The following TBX5 variants were observed in gnomAD, a reference collection of about 807,000 sequenced individuals.
The protein encoded by TBX5 is T-box transcription factor TBX5.
In TBX5, 8 loss-of-function variants were observed where a neutral mutation model predicts 51.1. The observed-to-expected ratio is 0.16, with a 90% CI of 0.09 to 0.28. The LOEUF is 0.28. TBX5 is among the 10% of genes least tolerant of loss of function. The pLI is 1.00. For synonymous variants in TBX5, 302 were observed against 266.4 expected (o/e 1.13, Z -1.30); for missense variants, 589 against 671.7 (o/e 0.88, Z 1.36).
At chr12:114,400,364 G>T (rs1871731373) in intron 3 of TBX5, among the ~76,000 whole-genome samples, 1 of 152,236 alleles carries the variant, frequency 6.6e-6, no homozygotes, top group Non-Finnish European at 1.5e-5. Flanking sequence ...AAAAGCTGAG[G>T]CCTGAACTAA....
At chr12:114,365,698 C>T (rs1393013341) in intron 8 of TBX5, among the ~76,000 whole-genome samples, 2 of 151,704 alleles carry the variant, frequency 1.3e-5, no homozygotes, top group African/African-American at 2.4e-5. Context: ...AGTGTGTGAA[C>T]GCATGCCTAT....
In TBX5 at chr12:114,401,547, C is replaced by T. The variant is rs796124482; in HGVS notation, c.242+279G>A. 8.5e-5 allele frequency among the ~76,000 whole-genome samples: 13 copies of T among 152,252 alleles called. 1 individual carries two copies. The highest frequency in any genetic ancestry group is 3.1e-4 in the African/African-American group (13 of 41,548). ...AGCACGGCCTCCCAAGCTCTTTATTCTTTCTATATGTGAGGTGGGAGAAAT... is the reference window on the plus strand; with the variant it reads ...AGCACGGCCTCCCAAGCTCTTTATTTTTTCTATATGTGAGGTGGGAGAAAT... On this transcript the variant is annotated intron_variant, in intron 3 of 8. Coordinates refer to ENST00000405440, the MANE Select transcript of TBX5 (RefSeq NM_181486.4).
intron 6 of TBX5, 37 bp from the exon 7 acceptor site, chr12:114,385,604 A>T (rs769154162): frequency 1.3e-6 from 2 of 1,554,544 alleles, no homozygotes; most frequent in Non-Finnish European, 1.8e-6. Flanking sequence ...GCTGGTTTTC[A>T]CTTGATTGCT....
rs1321767848 is a variant in TBX5, at chr12:114,405,740, T to C, written c.-151A>G. ...GCTCCGGGGTTTATGCGGGGTTTAC[T>C]GCTTACCCAGAATAGCGGCTACTGC... On this transcript the variant is annotated 5_prime_UTR_variant, in exon 1 of 9. Coordinates refer to ENST00000405440, the MANE Select transcript of TBX5 (RefSeq NM_181486.4). 3.0e-6 allele frequency: 3 copies of C among 985,426 alleles called. No individual in the cohort carries two copies. Among genetic ancestry groups the C allele is most frequent in the Non-Finnish European group, 3.6e-6 (3 of 830,042 alleles). 61.0% of individuals were successfully genotyped at this position (985,426 alleles called of 1,614,324 possible).
intron 5 of TBX5, 84 bp from the exon 6 acceptor site, chr12:114,394,977 A>T: frequency 7.0e-7 from 1 of 1,423,184 alleles, no homozygotes; most frequent in Non-Finnish European, 9.8e-7. Context: ...CGCCCTCTAA[A>T]TTCGCCTTGT....
chr12:114,376,272 T>TACACAC (rs200216641), intron 7 of TBX5, among the ~76,000 whole-genome samples: 27 of 148,602 alleles, frequency 1.8e-4, no homozygotes, highest in African/African-American at 5.9e-4. Context: ...TGTGTATATA[T>TACACAC]ATACACACAC....
intron 7 of TBX5, among the ~76,000 whole-genome samples, chr12:114,382,524 C>T (rs921920972): frequency 5.3e-5 from 8 of 151,610 alleles, no homozygotes; most frequent in East Asian, 1.9e-4. Flanking sequence ...TTAGGCTAGG[C>T]GTGGTGGCTC....
At chr12:114,393,049 A>G (rs903810255) in intron 6 of TBX5, among the ~76,000 whole-genome samples, 1 of 152,190 alleles carries the variant, frequency 6.6e-6, no homozygotes, top group African/African-American at 2.4e-5. Flanking sequence ...TTCACAGACA[A>G]TCTGGATTTG....
intron 7 of TBX5, among the ~76,000 whole-genome samples, chr12:114,370,288 G>GAAAAGAAAAGAAAAGAAAAGAAAGA (rs56105735): frequency 2.0e-3 from 112 of 56,650 alleles, no homozygotes; most frequent in Middle Eastern, 7.2e-3. Flanking sequence ...GAAAAGAAAA[G>GAAAAGAAAAGAAAAGAAAAGAAAGA]AAAGAAAAGA....
Position 114,370,118 on chromosome 12 carries a change from G to A in TBX5, c.756-3727C>T, listed in dbSNP as rs145177977. Reference sequence around the variant, plus strand: ...AAAAATACAAAAATTAGCTGGGCATGTACTTGGGAGGCTGAGGTAGGACAA... The same window carrying A: ...AAAAATACAAAAATTAGCTGGGCATATACTTGGGAGGCTGAGGTAGGACAA... On this transcript the variant is annotated intron_variant, in intron 7 of 8. Transcript: ENST00000405440. Among the ~76,000 whole-genome samples, 3 of 151,856 alleles carry A rather than the reference G, an allele frequency of 2.0e-5. No individual in the cohort carries two copies. In the East Asian group the frequency reaches 5.8e-4, roughly 30 times the overall value.
Position 114,399,414 on chromosome 12 carries a change from T to TAAA in TBX5, c.362+96_362+98dup, listed in dbSNP as rs55980450. ...GACGCCTTTAGCACACAGTAGGAAC[T>TAAA]AAAAAAAAAAAAAAAGTTCACTGAT... On this transcript the variant is annotated intron_variant, in intron 4 of 8. Transcript: ENST00000405440. The TAAA allele has an allele frequency of 8.0e-4, 1,119 of 1,404,300 alleles. 7 individuals carry two copies. In the African/African-American group the frequency reaches 0.013, roughly 17 times the overall value. The allele number at this position is 1,404,300 out of a possible 1,614,324, so 87.0% of individuals were successfully genotyped here. A position where few individuals can be genotyped will look rare whatever the true frequency, so the allele number is the denominator to read the frequency against.
chr12:114,367,511 A>C (rs1869613045), intron 7 of TBX5, among the ~76,000 whole-genome samples: 2 of 152,158 alleles, frequency 1.3e-5, no homozygotes, highest in African/African-American at 4.8e-5. Flanking sequence ...TTCAGATTTC[A>C]TACCAGGTGT....
chr12:114,384,714 A>AACACACACACAC (rs1555225276), intron 7 of TBX5, among the ~76,000 whole-genome samples: 4,361 of 143,852 alleles, frequency 0.03, 82 homozygotes, highest in Middle Eastern at 0.043. Context: ...AAAAAAAGAA[A>AACACACACACAC]ACACACACAC....
chr12:114,370,685 T>A (rs1408952694), intron 7 of TBX5, among the ~76,000 whole-genome samples: 1 of 152,062 alleles, frequency 6.6e-6, no homozygotes, highest in Admixed American at 6.6e-5. Flanking sequence ...CTTCCTCTTT[T>A]TTATATGGCC....
chr12:114,357,860 A>T (rs1194407181), intron 8 of TBX5, among the ~76,000 whole-genome samples: 1 of 152,252 alleles, frequency 6.6e-6, no homozygotes, highest in African/African-American at 2.4e-5. Context: ...AAGAAAAATG[A>T]AACACTGGGG....
chr12:114,395,179 C>T (rs551531859), intron 5 of TBX5, among the ~76,000 whole-genome samples: 3 of 152,276 alleles, frequency 2.0e-5, no homozygotes, highest in African/African-American at 7.2e-5. Flanking sequence ...AATTAACTCC[C>T]TGCATAGGGC....
upstream of TBX5, chr12:114,408,198 G>T: frequency 1.0e-6 from 1 of 985,370 alleles, no homozygotes; most frequent in East Asian, 1.1e-4. Flanking sequence ...TATCAGTGCC[G>T]GGTCTGCGCA....
Position 114,355,733 on chromosome 12 carries a change from C to T in TBX5, c.1356G>A (p.Glu452=). The change falls in exon 9 of 9, where the codon GAG becomes GAA. Residue 452 remains glutamate, a synonymous_variant. Transcript: ENST00000405440. ...CGGAGGTCTGGTGCTGGAACATTCC[C>T]TCTCCCAGCTGTGGGGAGCCATGGT... ...MANHGSPQLG[E]GMFQHQTSVA... The T allele has an allele frequency of 6.2e-7, 1 of 1,614,130 alleles. No homozygotes were observed. The highest frequency in any genetic ancestry group is 8.5e-7 in the Non-Finnish European group (1 of 1,180,012).
chr12:114,360,051 G>C (rs935202323), intron 8 of TBX5, among the ~76,000 whole-genome samples: 3 of 152,134 alleles, frequency 2.0e-5, no homozygotes, highest in Non-Finnish European at 4.4e-5. Flanking sequence ...TAATCCTATT[G>C]AGCAAATATT....
Sources: allele counts gnomAD v4.1 joint callset (sites outside exome capture counted in the v4.1 genomes callset), GRCh38; gene constraint gnomAD v4.1.1; transcripts MANE v1.5; gene names NCBI Gene and HGNC (gene_info 2026-07-23, HGNC 2026-07-21).